The following ABCA13 variants were observed in gnomAD, a reference collection of about 807,000 sequenced individuals.
ABCA13 encodes the protein ATP-binding cassette sub-family A member 13.
ABCA13 carries 476 observed loss-of-function variants against 478.7 expected under a neutral mutation model. The observed-to-expected ratio is 0.99, with a 90% confidence interval of 0.92 to 1.07. The LOEUF is 1.07. Among genes scored for constraint, ABCA13 ranks in the 50% least tolerant of loss-of-function variants. The pLI is 0.00. For synonymous variants in ABCA13, 2,252 were observed against 2,158.9 expected (o/e 1.04, Z -1.20); for missense variants, 6,060 against 5,910.6 (o/e 1.03, Z -0.83).
At chr7:48,619,496 T>C (rs1171081766) in intron 59 of ABCA13, among the ~76,000 whole-genome samples, 6 of 152,240 alleles carry the variant, frequency 3.9e-5, no homozygotes. Context: ...TGACATTTAA[T>C]ATTTCTTTAA....
chr7:48,442,465 C>A (rs1296895649), intron 42 of ABCA13, among the ~76,000 whole-genome samples: 1 of 151,990 alleles, frequency 6.6e-6, no homozygotes, highest in Non-Finnish European at 1.5e-5. Flanking sequence ...CATTGCAGTC[C>A]CTTTGGGTCC....
At chr7:48,498,226 G>T (rs532802716) in intron 48 of ABCA13, among the ~76,000 whole-genome samples, 1 of 152,150 alleles carries the variant, frequency 6.6e-6, no homozygotes, top group Non-Finnish European at 1.5e-5. Flanking sequence ...CAGTTTTGCT[G>T]GTGGTGTTTG....
chr7:48,285,390 C>T (rs533004727), intron 19 of ABCA13, among the ~76,000 whole-genome samples: 51 of 152,218 alleles, frequency 3.4e-4, no homozygotes, highest in Non-Finnish European at 5.6e-4. Flanking sequence ...AGAGGGTACC[C>T]GGGAAAGTTG....
chr7:48,611,299 A>G (rs1270013420), intron 58 of ABCA13, among the ~76,000 whole-genome samples: 1 of 152,068 alleles, frequency 6.6e-6, no homozygotes, highest in Non-Finnish European at 1.5e-5. Context: ...GGAAGTTCCA[A>G]ACTCCCTTAT....
At chr7:48,259,533 G>T (rs572513593) in intron 15 of ABCA13, among the ~76,000 whole-genome samples, 1 of 151,884 alleles carries the variant, frequency 6.6e-6, no homozygotes, top group Non-Finnish European at 1.5e-5. Context: ...CACATATGGC[G>T]TCTTACTTCT....
At chr7:48,258,222 C>G (rs1048450734) in intron 15 of ABCA13, among the ~76,000 whole-genome samples, 2 of 152,086 alleles carry the variant, frequency 1.3e-5, no homozygotes, top group African/African-American at 4.8e-5. Flanking sequence ...CTATGCCTGA[C>G]CTTTTTGGTA....
At chr7:48,368,863 G>A (rs1041555544) in intron 32 of ABCA13, among the ~76,000 whole-genome samples, 9 of 151,322 alleles carry the variant, frequency 5.9e-5, no homozygotes, top group African/African-American at 1.7e-4. Context: ...TTGTAATTGC[G>A]AATTGTGCTG....
chr7:48,238,714 C>T (rs868048980), intron 8 of ABCA13, among the ~76,000 whole-genome samples: 23 of 152,278 alleles, frequency 1.5e-4, no homozygotes, highest in Middle Eastern at 3.4e-3. Flanking sequence ...GTGATCCACC[C>T]GCCTCGGCCT....
chr7:48,359,788 G>A (rs562190079), intron 31 of ABCA13, among the ~76,000 whole-genome samples: 85 of 152,098 alleles, frequency 5.6e-4, no homozygotes, highest in Admixed American at 1.2e-3. Context: ...ATTTCTCAGG[G>A]TGGTTCTTTC....
At chr7:48,515,499 CAT>C (rs909009412) in intron 51 of ABCA13, among the ~76,000 whole-genome samples, 8 of 152,160 alleles carry the variant, frequency 5.3e-5, no homozygotes, top group Non-Finnish European at 1.0e-4. Flanking sequence ...TCATCTGACA[CAT>C]GTGGGGACTG....
intron 42 of ABCA13, 104 bp downstream of exon 42, chr7:48,427,975 G>A (rs1821660535): frequency 6.9e-6 from 5 of 723,276 alleles, no homozygotes; most frequent in South Asian, 4.9e-5. Context: ...TCTGAAGTTA[G>A]TGAGGAGATG....
chr7:48,477,130 C>A (rs28627154), intron 45 of ABCA13, among the ~76,000 whole-genome samples: 2 of 151,622 alleles, frequency 1.3e-5, no homozygotes, highest in Non-Finnish European at 2.9e-5. Context: ...GGTGGGGGGG[C>A]GGTCAATATT....
chr7:48,470,064 C>T (rs1827318093), intron 44 of ABCA13, among the ~76,000 whole-genome samples: 1 of 152,208 alleles, frequency 6.6e-6, no homozygotes, highest in African/African-American at 2.4e-5. Context: ...CTGTAGGCCA[C>T]TTTAGGGAAA....
chr7:48,346,239 G>T (rs1157265457), intron 29 of ABCA13, among the ~76,000 whole-genome samples: 7 of 152,036 alleles, frequency 4.6e-5, no homozygotes, highest in Admixed American at 4.6e-4. Flanking sequence ...CCAATTATAT[G>T]CATGATAAGA....
At chr7:48,524,696 A>G (rs1265350176) in intron 54 of ABCA13, among the ~76,000 whole-genome samples, 2 of 152,190 alleles carry the variant, frequency 1.3e-5, no homozygotes, top group African/African-American at 4.8e-5. Flanking sequence ...CATAGTTTTA[A>G]TTATGACTTG....
At chr7:48,286,189 C>T (rs1352074642) in intron 19 of ABCA13, among the ~76,000 whole-genome samples, 1 of 152,110 alleles carries the variant, frequency 6.6e-6, no homozygotes, top group African/African-American at 2.4e-5. Context: ...AGCATCATTC[C>T]GAGTCCACAG....
intron 1 of ABCA13, among the ~76,000 whole-genome samples, chr7:48,192,705 T>A (rs1797264552): frequency 6.6e-6 from 1 of 152,146 alleles, no homozygotes; most frequent in African/African-American, 2.4e-5. Context: ...ATGTCATAAG[T>A]TCTGAAATAA....
chr7:48,455,900 C>A (rs1012883577), intron 43 of ABCA13, among the ~76,000 whole-genome samples: 3 of 152,230 alleles, frequency 2.0e-5, no homozygotes, highest in Non-Finnish European at 4.4e-5. Flanking sequence ...GATTCATACA[C>A]AAGGGTTGGG....
rs1403915067 is a variant in ABCA13, at chr7:48,328,140, C to T, written c.10000-7282C>T. 2.6e-5 allele frequency among the ~76,000 whole-genome samples: 4 copies of T among 152,120 alleles called. No homozygotes were observed. In the East Asian group the frequency reaches 7.7e-4, roughly 29 times the overall value. ...AAAATGCCAGTGAAGTGGAAGCTGC[C>T]CAAGCCTGGAGTCTACATAAACTTG... is the stretch of plus-strand genomic sequence containing the variant. On this transcript the variant is annotated intron_variant, in intron 27 of 61. Transcript: ENST00000435803.
Sources: allele counts gnomAD v4.1 joint callset (sites outside exome capture counted in the v4.1 genomes callset), GRCh38; gene constraint gnomAD v4.1.1; transcripts MANE v1.5; gene names NCBI Gene and HGNC (gene_info 2026-07-23, HGNC 2026-07-21).